PTPRG: variants seen among roughly 807,000 people sequenced by gnomAD.
The protein encoded by PTPRG is receptor-type tyrosine-protein phosphatase gamma.
A neutral mutation model predicts 165.3 loss-of-function variants in PTPRG; 102 were observed. That is an observed-to-expected ratio of 0.62 (90% confidence interval 0.53 to 0.73). PTPRG has a LOEUF of 0.73. Among genes scored for constraint, PTPRG ranks in the 30% least tolerant of loss-of-function variants. The probability of loss-of-function intolerance (pLI) is 0.00; values close to 1 mark genes in which losing one functional copy is unlikely to be tolerated. For missense variants in PTPRG, 1,866 were observed against 1,861.4 expected (o/e 1.00, Z -0.05); for synonymous variants, 675 against 669.5 (o/e 1.01, Z -0.13).
chr3:61,831,134 C>T (rs779370470), intron 2 of PTPRG, among the ~76,000 whole-genome samples: 2 of 152,182 alleles, frequency 1.3e-5, no homozygotes, highest in Non-Finnish European at 2.9e-5. Context: ...TTTAATCTCA[C>T]TGATAAAAAG....
rs1348564337 is a variant in PTPRG at position 61,744,749 on chromosome 3, A to T, written c.86-4129A>T. Among the ~76,000 whole-genome samples the T allele has an allele frequency of 2.6e-5, 4 of 152,166 alleles. No homozygotes were observed. The East Asian group carries it at 7.7e-4, about 29-fold the overall frequency. ...AGTAGTTTATCTAGTTAAAAAATAA[A>T]ATGTGGTGCTGAGGTTAAAAGTCCT... On this transcript the variant is annotated intron_variant, in intron 1 of 29. Coordinates refer to ENST00000474889, the MANE Select transcript of PTPRG (RefSeq NM_002841.4).
Position 61,960,685 on chromosome 3 carries a change from A to G in PTPRG, c.191-28940A>G, listed in dbSNP as rs150506347. The stretch of plus-strand genomic sequence containing the variant: ...GGTTTTTTGATGAGTAGGTTAGGCA[A>G]TTTTGTCCCCCTTGCTTCTGGATCA... On this transcript the variant is annotated intron_variant, in intron 2 of 29. Transcript: ENST00000474889. 1.0e-3 allele frequency among the ~76,000 whole-genome samples: 157 copies of G among 152,142 alleles called. 1 individual carries two copies. Among genetic ancestry groups the G allele is most frequent in the African/African-American group, 3.5e-3 (147 of 41,506 alleles).
intron 2 of PTPRG, chr3:61,770,730 T>A (rs1004792022): frequency 4.6e-5 from 7 of 152,338 alleles, no homozygotes; most frequent in African/African-American, 1.7e-4. Flanking sequence ...ATCTAGGATT[T>A]TAATTTAATA....
At position 62,229,520 on chromosome 3, in the gene PTPRG, A is replaced by T. The variant is rs1158436350; in HGVS notation, c.2289-1705A>T. 6.6e-6 allele frequency among the ~76,000 whole-genome samples: 1 copy of T among 152,230 alleles called. No homozygotes were observed. The highest frequency in any genetic ancestry group is 1.5e-5 in the Non-Finnish European group (1 of 68,044). ...AAAGGTTGCCAGTTAAACATGCTCCATGATACTTAAAAAGCTGGACTGATT... is the reference window on the plus strand; with the variant it reads ...AAAGGTTGCCAGTTAAACATGCTCCTTGATACTTAAAAAGCTGGACTGATT... On this transcript the variant is annotated intron_variant, in intron 13 of 29. Transcript: ENST00000474889. This position sits in a 1 kb window ranked among gnomAD's most constrained non-coding sequence, Gnocchi z 4.6.
At chr3:61,857,994 A>G (rs2037159924) in intron 2 of PTPRG, among the ~76,000 whole-genome samples, 1 of 152,018 alleles carries the variant, frequency 6.6e-6, no homozygotes, top group South Asian at 2.1e-4. Flanking sequence ...ACAACAGGAA[A>G]TTTCTCCCAG....
In PTPRG at chr3:61,933,948, C is replaced by A. The variant is rs560237264; in HGVS notation, c.191-55677C>A. On this transcript the variant is annotated intron_variant, in intron 2 of 29. Coordinates refer to ENST00000474889, the MANE Select transcript of PTPRG (RefSeq NM_002841.4). ...CATCAAGCCCAGGGAAAGCAAATTT[C>A]CTCTCTGCAAGTGAGCCACATGTGG... Among the ~76,000 whole-genome samples, 55 of 152,356 alleles carry A rather than the reference C, an allele frequency of 3.6e-4. No individual in the cohort carries two copies. The South Asian group carries it at 0.011, about 30-fold the overall frequency.
At chr3:62,130,439 G>A (rs566313854) in intron 5 of PTPRG, among the ~76,000 whole-genome samples, 1 of 152,286 alleles carries the variant, frequency 6.6e-6, no homozygotes, top group Admixed American at 6.5e-5. Context: ...CCATAGAGGA[G>A]GGCAAAGTCA....
At chr3:62,092,343 G>T (rs1228526011) in intron 5 of PTPRG, among the ~76,000 whole-genome samples, 1 of 149,628 alleles carries the variant, frequency 6.7e-6, no homozygotes, top group Non-Finnish European at 1.5e-5. Context: ...GGGAGGCCGA[G>T]GCAGGAGAAT....
chr3:62,029,867 CA>C (rs1408249925), intron 4 of PTPRG, among the ~76,000 whole-genome samples: 1 of 152,132 alleles, frequency 6.6e-6, no homozygotes, highest in Non-Finnish European at 1.5e-5. Flanking sequence ...CCTAAAATAA[CA>C]CAGTGCATTT....
At chr3:62,123,149 C>T (rs992765589) in intron 5 of PTPRG, among the ~76,000 whole-genome samples, 1 of 152,220 alleles carries the variant, frequency 6.6e-6, no homozygotes, top group Non-Finnish European at 1.5e-5. Context: ...AAGGTGTCAA[C>T]TGGGACTATG....
chr3:61,855,192 A>G (rs1559650592), intron 2 of PTPRG, among the ~76,000 whole-genome samples: 1 of 152,210 alleles, frequency 6.6e-6, no homozygotes. Context: ...ACCTTAAGAC[A>G]TGAGCCACCT....
intron 2 of PTPRG, among the ~76,000 whole-genome samples, chr3:61,976,705 C>T (rs113789055): frequency 0.019 from 2,828 of 151,972 alleles, 71 homozygotes; most frequent in African/African-American, 0.062. Flanking sequence ...GAGGGAGTCT[C>T]GGTGTCTTGC....
intron 2 of PTPRG, among the ~76,000 whole-genome samples, chr3:61,923,692 A>ATTTTTTTTTTTTTTT (rs71123241): frequency 9.9e-6 from 1 of 100,876 alleles, no homozygotes; most frequent in Non-Finnish European, 1.9e-5. Context: ...TATTTTTTGT[A>ATTTTTTTTTTTTTTT]TTTTTTTTTT....
chr3:61,708,099 T>A (rs1389256723), intron 1 of PTPRG, among the ~76,000 whole-genome samples: 2 of 152,074 alleles, frequency 1.3e-5, no homozygotes, highest in Admixed American at 6.5e-5. Flanking sequence ...GTTTTTTTTT[T>A]ATTTTTTAGG....
At chr3:62,277,432 T>C in intron 25 of PTPRG, 119 bp from the exon 26 acceptor site, 1 of 1,161,134 alleles carries the variant, frequency 8.6e-7, no homozygotes, top group Non-Finnish European at 1.2e-6. Flanking sequence ...CGAATGCCTT[T>C]CTCAATTATT....
intron 1 of PTPRG, among the ~76,000 whole-genome samples, chr3:61,584,573 G>T (rs1231957398): frequency 5.7e-4 from 83 of 144,894 alleles, no homozygotes; most frequent in Non-Finnish European, 3.9e-4. Flanking sequence ...TAAAGTTTAG[G>T]TTTTTTTTTT....
chr3:61,621,244 A>G (rs1701451000), intron 1 of PTPRG, among the ~76,000 whole-genome samples: 1 of 152,030 alleles, frequency 6.6e-6, no homozygotes. Flanking sequence ...CAGTGCTGGA[A>G]ATGACCAGCA....
rs1703403441 is a variant in PTPRG at position 62,128,658 on chromosome 3, G to A, written c.616-3944G>A. On this transcript the variant is annotated intron_variant, in intron 5 of 29. Coordinates refer to ENST00000474889, the MANE Select transcript of PTPRG (RefSeq NM_002841.4). ...GACTGTATCCCCATTTCACAGACAA[G>A]GACACTAAAGCTGAAAGCATCCATA... Among the ~76,000 whole-genome samples the A allele has an allele frequency of 1.3e-5, 2 of 150,162 alleles. 1 individual carries two copies. The highest frequency in any genetic ancestry group is 1.3e-4 in the Admixed American group (2 of 14,950).
chr3:61,870,123 A>G (rs1052452890), intron 2 of PTPRG, among the ~76,000 whole-genome samples: 1 of 152,066 alleles, frequency 6.6e-6, no homozygotes, highest in Admixed American at 6.6e-5. Flanking sequence ...GGACACAAAC[A>G]TTTAGTCTAT....
Sources: allele counts gnomAD v4.1 joint callset (sites outside exome capture counted in the v4.1 genomes callset), GRCh38; gene constraint gnomAD v4.1.1; non-coding constraint Gnocchi (gnomAD v3.1); transcripts MANE v1.5; gene names NCBI Gene and HGNC (gene_info 2026-07-23, HGNC 2026-07-21).